Variants in JAKMIP1 observed in about 807,000 individuals in gnomAD.
The protein encoded by JAKMIP1 is janus kinase and microtubule-interacting protein 1.
A neutral mutation model predicts 113.0 loss-of-function variants in JAKMIP1; 33 were observed. The ratio of observed to expected loss-of-function variants is 0.29; its 90% CI spans 0.22 to 0.39. The LOEUF is 0.39. JAKMIP1 is among the 10% of genes least tolerant of loss of function. The probability of loss-of-function intolerance (pLI) is 1.00; values close to 1 mark genes in which losing one functional copy is unlikely to be tolerated. For missense variants in JAKMIP1, 813 were observed against 1,080.5 expected, an observed-to-expected ratio of 0.75 and a Z score of 3.47; for synonymous variants, 480 against 459.9, an observed-to-expected ratio of 1.04 and a Z score of -0.56.
chr4:6,101,310 T>G (rs536219082), intron 3 of JAKMIP1, among the ~76,000 whole-genome samples: 1 of 152,208 alleles, frequency 6.6e-6, no homozygotes, highest in Admixed American at 6.5e-5. Flanking sequence ...TTCTTACAGA[T>G]AGCTGACCAG....
rs1185508086 is a variant in JAKMIP1, at chr4:6,061,718, C to T, written c.1560+594G>A. Among the ~76,000 whole-genome samples, 1 of 152,140 alleles carries T rather than the reference C, an allele frequency of 6.6e-6. No homozygotes were observed. On this transcript the variant is annotated intron_variant, in intron 10 of 20. Transcript: ENST00000409021. The surrounding 1 kb of genome is among the most constrained non-coding windows in gnomAD (Gnocchi z 5.3). ...GGGGGAGGGGATGCAGGGAAGCACC[C>T]GTGTGTGCTCTCCGGGAGTCCTCCA...
chr4:6,112,655 T>C, intron 2 of JAKMIP1, 67 bp downstream of exon 2: 2 of 1,560,664 alleles, frequency 1.3e-6, no homozygotes, highest in Non-Finnish European at 1.7e-6. Flanking sequence ...CACACATGCC[T>C]CAGAGGCAAC....
At chr4:6,092,321 C>T (rs1299713496) in intron 3 of JAKMIP1, among the ~76,000 whole-genome samples, 4 of 152,188 alleles carry the variant, frequency 2.6e-5, no homozygotes. Flanking sequence ...TTCACTTTCC[C>T]TAGATCTCCT....
Position 6,162,556 on chromosome 4 carries a change from A to G in JAKMIP1, c.-148+37697T>C, listed in dbSNP as rs1005924700. Among the ~76,000 whole-genome samples the G allele has an allele frequency of 6.6e-5, 10 of 152,338 alleles. No homozygotes were observed. Among genetic ancestry groups the G allele is most frequent in the African/African-American group, 2.4e-4 (10 of 41,578 alleles). On this transcript the variant is annotated intron_variant, in intron 1 of 20. Coordinates refer to ENST00000409021, the MANE Select transcript of JAKMIP1 (RefSeq NM_001099433.2). The surrounding 1 kb of genome is among the most constrained non-coding windows in gnomAD (Gnocchi z 5.6). ...ATGCAGTATTAGTGTTCTGATTAGC[A>G]GGTTAACTTGCACAAGGCAGTCATG...
Position 6,150,892 on chromosome 4 carries a change from T to C in JAKMIP1, c.-147-37895A>G, listed in dbSNP as rs1451299250. ...ACACCCAGTGCAACACCTGAAGCAG[T>C]CAGCGTTGAGTGTGCCCAGGTGACA... is the stretch of plus-strand genomic sequence containing the variant. On this transcript the variant is annotated intron_variant, in intron 1 of 20. Coordinates refer to ENST00000409021, the MANE Select transcript of JAKMIP1 (RefSeq NM_001099433.2). This position sits in a 1 kb window ranked among gnomAD's most constrained non-coding sequence, Gnocchi z 4.8. 6.6e-6 allele frequency among the ~76,000 whole-genome samples: 1 copy of C among 152,126 alleles called. No homozygotes were observed. The highest frequency in any genetic ancestry group is 1.5e-5 in the Non-Finnish European group (1 of 68,036).
In JAKMIP1 at chr4:6,137,747, C is replaced by T. The variant is rs368079023; in HGVS notation, c.-147-24750G>A. Among the ~76,000 whole-genome samples the T allele has an allele frequency of 6.6e-5, 10 of 152,370 alleles. No individual in the cohort carries two copies. The East Asian group carries it at 1.7e-3, about 26-fold the overall frequency. Reference sequence around the variant, plus strand: ...CTTAGGTTCCATCATTCATTCAATTCATCAGTCCTTCAATCACACAGGCCT... The same window carrying T: ...CTTAGGTTCCATCATTCATTCAATTTATCAGTCCTTCAATCACACAGGCCT... On this transcript the variant is annotated intron_variant, in intron 1 of 20. Transcript: ENST00000409021. This position sits in a 1 kb window ranked among gnomAD's most constrained non-coding sequence, Gnocchi z 4.5.
At chr4:6,082,153 G>A (rs980644365) in intron 5 of JAKMIP1, among the ~76,000 whole-genome samples, 3 of 152,004 alleles carry the variant, frequency 2.0e-5, no homozygotes, top group Non-Finnish European at 2.9e-5. Context: ...AAAGAGAGGA[G>A]GCAATGGGCC....
chr4:6,198,904 G>T (rs1728132567), intron 1 of JAKMIP1, among the ~76,000 whole-genome samples: 1 of 152,248 alleles, frequency 6.6e-6, no homozygotes, highest in South Asian at 2.1e-4. Flanking sequence ...ACTTAGGGGG[G>T]ATGGCCCTGC....
intron 19 of JAKMIP1, among the ~76,000 whole-genome samples, chr4:6,035,288 T>C (rs1713260053): frequency 6.6e-6 from 1 of 152,138 alleles, no homozygotes; most frequent in Admixed American, 6.5e-5. Context: ...ATGGACGTCA[T>C]AGTGCCTACC....
chr4:6,054,349 G>C (rs1716055788), intron 12 of JAKMIP1, among the ~76,000 whole-genome samples: 1 of 152,220 alleles, frequency 6.6e-6, no homozygotes, highest in African/African-American at 2.4e-5. Context: ...GGAAATGAAG[G>C]AGACAGAGGC....
chr4:6,057,756 T>G (rs1716684372), intron 11 of JAKMIP1, among the ~76,000 whole-genome samples: 1 of 152,076 alleles, frequency 6.6e-6, no homozygotes, highest in Non-Finnish European at 1.5e-5. Flanking sequence ...TTCTTCAACC[T>G]CAAAGCTGGG....
chr4:6,119,775 C>T lies in JAKMIP1; in HGVS notation c.-147-6778G>A, dbSNP rs140811533. Among the ~76,000 whole-genome samples, 619 of 152,302 alleles carry T rather than the reference C, an allele frequency of 4.1e-3. 3 individuals carry two copies. Among genetic ancestry groups the T allele is most frequent in the African/African-American group, 0.014 (573 of 41,542 alleles). On this transcript the variant is annotated intron_variant, in intron 1 of 20. Coordinates refer to ENST00000409021, the MANE Select transcript of JAKMIP1 (RefSeq NM_001099433.2). ...CAATTCACAACCTGCAAGGTGAGAT[C>T]AGAAGGGACCTTTGCCTCCAAGGTG...
intron 20 of JAKMIP1, among the ~76,000 whole-genome samples, chr4:6,027,723 C>T (rs1409027901): frequency 6.6e-6 from 1 of 152,048 alleles, no homozygotes. Context: ...AGAAAAGAGT[C>T]GAAAAAAGAG....
At chr4:6,112,277 G>A (rs975932704) in intron 2 of JAKMIP1, among the ~76,000 whole-genome samples, 2 of 152,184 alleles carry the variant, frequency 1.3e-5, no homozygotes, top group Non-Finnish European at 2.9e-5. Context: ...TGGATCAAGG[G>A]TCAAGCTGTA....
chr4:6,136,997 C>G lies in JAKMIP1; in HGVS notation c.-147-24000G>C, dbSNP rs1371594043. 6.6e-6 allele frequency among the ~76,000 whole-genome samples: 1 copy of G among 152,190 alleles called. No individual in the cohort carries two copies. The highest frequency in any genetic ancestry group is 6.5e-5 in the Admixed American group (1 of 15,284). ...CATGGGGAGCCAGGATTCCACCAGG[C>G]CCCTGGGACTCTGCAGCCTATTCCC... On this transcript the variant is annotated intron_variant, in intron 1 of 20. Transcript: ENST00000409021. The surrounding 1 kb of genome is among the most constrained non-coding windows in gnomAD (Gnocchi z 5.9).
rs777765258 is a variant in JAKMIP1, at chr4:6,137,286, C to G, written c.-147-24289G>C. Among the ~76,000 whole-genome samples, 18 of 152,336 alleles carry G rather than the reference C, an allele frequency of 1.2e-4. No individual in the cohort carries two copies. Among genetic ancestry groups the G allele is most frequent in the Non-Finnish European group, 1.5e-4 (10 of 68,040 alleles). On this transcript the variant is annotated intron_variant, in intron 1 of 20. Transcript: ENST00000409021. This position sits in a 1 kb window ranked among gnomAD's most constrained non-coding sequence, Gnocchi z 4.5. ...CAGCAGCCGGGCTCACCAGGGCCCACTGAGCCACAGCAGCCACAGTGGCTG... is the reference window on the plus strand; with the variant it reads ...CAGCAGCCGGGCTCACCAGGGCCCAGTGAGCCACAGCAGCCACAGTGGCTG...
intron 1 of JAKMIP1, among the ~76,000 whole-genome samples, chr4:6,119,567 C>A (rs28562642): frequency 0.045 from 5,421 of 120,484 alleles, 118 homozygotes; most frequent in Non-Finnish European, 0.064. Flanking sequence ...ACAACAACAA[C>A]AACAAAAAAA....
At chr4:6,161,867 T>C (rs6857730) in intron 1 of JAKMIP1, among the ~76,000 whole-genome samples, 91,403 of 151,948 alleles carry the variant, frequency 0.6, 27,826 homozygotes, top group East Asian at 0.78. Flanking sequence ...GGGCTGGGCT[T>C]ATGGTGCAGA....
rs1226815083 is a variant in JAKMIP1, at chr4:6,187,591, A to T, written c.-148+12662T>A. Among the ~76,000 whole-genome samples the T allele has an allele frequency of 2.0e-5, 3 of 152,252 alleles. No individual in the cohort carries two copies. In the East Asian group the frequency reaches 5.8e-4, roughly 29 times the overall value. ...AGCTCACCCCTTCCACCATGTGAAA[A>T]CACAGCAAGAAGACTGCTGTCAATG... On this transcript the variant is annotated intron_variant, in intron 1 of 20. Coordinates refer to ENST00000409021, the MANE Select transcript of JAKMIP1 (RefSeq NM_001099433.2). This position sits in a 1 kb window ranked among gnomAD's most constrained non-coding sequence, Gnocchi z 4.2.
Sources: allele counts gnomAD v4.1 joint callset (sites outside exome capture counted in the v4.1 genomes callset), GRCh38; gene constraint gnomAD v4.1.1; non-coding constraint Gnocchi (gnomAD v3.1); transcripts MANE v1.5; gene names NCBI Gene and HGNC (gene_info 2026-07-23, HGNC 2026-07-21).